The following EXOSC4 variants were observed in gnomAD, a reference collection of about 807,000 sequenced individuals.
EXOSC4 encodes exosome complex component RRP41.
A neutral mutation model predicts 20.0 loss-of-function variants in EXOSC4; 14 were observed. The observed-to-expected ratio is 0.70, with a 90% CI of 0.46 to 1.09. The LOEUF is 1.09. Ranked by LOEUF, EXOSC4 falls within the 50% of genes least tolerant of loss-of-function variation. The pLI is 0.00. For synonymous variants in EXOSC4, 148 were observed against 146.4 expected (o/e 1.01, Z -0.08); for missense variants, 337 against 334.0 (o/e 1.01, Z -0.07).
At chr8:144,075,892 A>G (rs1835832020), upstream of EXOSC4, among the ~76,000 whole-genome samples, 1 of 152,130 alleles carries the variant, frequency 6.6e-6, no homozygotes, top group East Asian at 1.9e-4. Flanking sequence ...TTGGATATAC[A>G]ATTTTGTCTT....
the EXOSC4 span, among the ~76,000 whole-genome samples, chr8:144,065,483 C>T: frequency 6.6e-6 from 1 of 152,022 alleles, no homozygotes; most frequent in South Asian, 2.1e-4. Flanking sequence ...AATCCCAGCA[C>T]TTTGGGAGGT....
At chr8:144,066,605 C>A in the EXOSC4 span, among the ~76,000 whole-genome samples, 1,959 of 151,760 alleles carry the variant, frequency 0.013, 21 homozygotes, top group South Asian at 0.023. Flanking sequence ...CCATGCCTGG[C>A]TAATTTTTTT....
chr8:144,076,604 G>C (rs1835837131), upstream of EXOSC4, among the ~76,000 whole-genome samples: 1 of 152,168 alleles, frequency 6.6e-6, no homozygotes, highest in Non-Finnish European at 1.5e-5. Context: ...TTCCACCAGG[G>C]AACACAGCAA....
the EXOSC4 span, among the ~76,000 whole-genome samples, chr8:144,069,917 A>G: frequency 0.14 from 21,141 of 152,268 alleles, 2,382 homozygotes; most frequent in African/African-American, 0.31. Flanking sequence ...ACTAAACGCC[A>G]GGGTGACTAG....
chr8:144,074,268 C>A (rs1835817116), upstream of EXOSC4, among the ~76,000 whole-genome samples: 1 of 152,226 alleles, frequency 6.6e-6, no homozygotes, highest in Non-Finnish European at 1.5e-5. Flanking sequence ...CCATCAGTTA[C>A]CCCCTCCCCT....
At chr8:144,079,002 T>G in intron 1 of EXOSC4, 103 bp downstream of exon 1, 2 of 1,269,944 alleles carry the variant, frequency 1.6e-6, no homozygotes, top group South Asian at 1.9e-5. Flanking sequence ...CCGGCGCGCC[T>G]CAGTCTACAC....
upstream of EXOSC4, among the ~76,000 whole-genome samples, chr8:144,077,069 C>CAAAAA (rs34195797): frequency 1.0e-5 from 1 of 98,068 alleles, no homozygotes. Flanking sequence ...ACTCCATCTC[C>CAAAAA]AAAAAAAAAA....
the EXOSC4 span, among the ~76,000 whole-genome samples, chr8:144,065,643 G>A: frequency 1.3e-5 from 2 of 152,012 alleles, no homozygotes; most frequent in African/African-American, 4.8e-5. Context: ...GCTGAGGCTG[G>A]AGAATCACTT....
chr8:144,074,783 A>T (rs1291604707), upstream of EXOSC4, among the ~76,000 whole-genome samples: 4 of 152,096 alleles, frequency 2.6e-5, no homozygotes, highest in Admixed American at 1.3e-4. Context: ...TATGTTGCCC[A>T]GGCTGGTCTC....
intron 1 of EXOSC4, chr8:144,079,614 A>G (rs1357685696): frequency 4.5e-6 from 2 of 445,050 alleles, no homozygotes; most frequent in African/African-American, 2.0e-5. Flanking sequence ...AGAGTAGGGA[A>G]ATGATTTGGG....
rs1835867216 is a variant in EXOSC4 at position 144,078,965 on chromosome 8, C to G, written c.171+66C>G. ...AGCTGCGGGGCAGCCGGGCTGAGCG[C>G]TGGCTCGGGGACTTGAGGGGCAACG... On this transcript the variant is annotated intron_variant, in intron 1 of 2. Transcript: ENST00000316052. The surrounding 1 kb of genome is among the most constrained non-coding windows in gnomAD (Gnocchi z 4.7). The G allele has an allele frequency of 5.1e-6, 7 of 1,378,118 alleles. No individual in the cohort carries two copies. Among genetic ancestry groups the G allele is most frequent in the Non-Finnish European group, 6.6e-6 (7 of 1,065,118 alleles). 85.4% of individuals were successfully genotyped at this position (1,378,118 alleles called of 1,614,324 possible).
chr8:144,079,266 A>C, intron 1 of EXOSC4: 1 of 228,148 alleles, frequency 4.4e-6, no homozygotes, highest in South Asian at 8.5e-5. Flanking sequence ...TGCACCTACA[A>C]TCTCAAATGC....
At chr8:144,074,358 C>T (rs374872431), upstream of EXOSC4, among the ~76,000 whole-genome samples, 18 of 151,974 alleles carry the variant, frequency 1.2e-4, no homozygotes, top group African/African-American at 3.6e-4. Flanking sequence ...TTGGGCTTAG[C>T]GGGAACAGTC....
chr8:144,068,746 A>G, the EXOSC4 span, among the ~76,000 whole-genome samples: 2 of 152,022 alleles, frequency 1.3e-5, no homozygotes, highest in East Asian at 1.9e-4. Context: ...TAAAAGCTCT[A>G]CTCCAGGAGG....
At chr8:144,072,611 C>T in the EXOSC4 span, among the ~76,000 whole-genome samples, 1 of 152,228 alleles carries the variant, frequency 6.6e-6, no homozygotes, top group African/African-American at 2.4e-5. Flanking sequence ...TCTACCTCCG[C>T]AAGATCAACT....
the EXOSC4 span, among the ~76,000 whole-genome samples, chr8:144,065,521 G>A: frequency 6.6e-6 from 1 of 151,996 alleles, no homozygotes; most frequent in Non-Finnish European, 1.5e-5. Context: ...CTGAGGTCAG[G>A]AGTTCGAGAC....
rs1554763372 is a variant in EXOSC4, at chr8:144,080,572, C to T, written c.709C>T (p.Arg237Cys). ...AGATCGAGTGGTCCGGCAGCATGTG[C>T]GTGAGGCCTCTATCTTGCTGGGGGA... ...LLDRVVRQHV[R>C]EASILLGD is the part of the protein sequence containing the mutation. Residue 237 changes from arginine (R) to cysteine (C), a missense_variant, in exon 3 of 3, where the codon CGT (arginine) becomes TGT (cysteine). Physicochemically the swap from Arg to Cys is radical, Grantham distance 180 (BLOSUM62 -3). Transcript: ENST00000316052. This position sits in a 1 kb window ranked among gnomAD's most constrained non-coding sequence, Gnocchi z 4.9. 18 of 1,599,268 alleles carry T rather than the reference C, an allele frequency of 1.1e-5. No individual in the cohort carries two copies. Among genetic ancestry groups the T allele is most frequent in the South Asian group, 7.7e-5 (7 of 91,058 alleles).
the EXOSC4 span, among the ~76,000 whole-genome samples, chr8:144,072,551 G>A: frequency 9.9e-5 from 15 of 151,958 alleles, no homozygotes; most frequent in African/African-American, 1.5e-4. Context: ...CCACCACCCC[G>A]CAACATACAC....
upstream of EXOSC4, among the ~76,000 whole-genome samples, chr8:144,074,599 T>A (rs573731623): frequency 6.6e-6 from 1 of 152,152 alleles, no homozygotes; most frequent in African/African-American, 2.4e-5. Context: ...TGAGACAGCC[T>A]GGCTCTGTGG....
Sources: allele counts gnomAD v4.1 joint callset (sites outside exome capture counted in the v4.1 genomes callset), GRCh38; gene constraint gnomAD v4.1.1; non-coding constraint Gnocchi (gnomAD v3.1); transcripts MANE v1.5; gene names NCBI Gene and HGNC (gene_info 2026-07-23, HGNC 2026-07-21).